The following KLHL13 variants were observed in gnomAD, a reference collection of about 807,000 sequenced individuals.
The protein encoded by KLHL13 is kelch like family member 13.
KLHL13 carries 10 observed loss-of-function variants against 37.1 expected under a neutral mutation model. The observed-to-expected ratio is 0.27, with a 90% CI of 0.17 to 0.46. The LOEUF (loss-of-function observed/expected upper bound fraction) is 0.46, where lower values mean the gene tolerates loss of function less well. Ranked by LOEUF, KLHL13 falls within the 20% of genes least tolerant of loss-of-function variation. KLHL13 has a pLI of 1.00. For missense variants in KLHL13, 360 were observed against 509.3 expected, an observed-to-expected ratio of 0.71 and a Z score of 2.82; for synonymous variants, 163 against 181.2, an observed-to-expected ratio of 0.90 and a Z score of 0.81.
intron 1 of KLHL13, among the ~76,000 whole-genome samples, chrX:118,102,540 C>G (rs1257309790): frequency 1.8e-5 from 2 of 112,038 alleles, no homozygotes; most frequent in African/African-American, 6.5e-5. Context: ...CTGTGAGTAC[C>G]TCATAGAATG....
Position 118,003,528 on chromosome X carries a change from A to T in KLHL13, c.-55-57953T>A, listed in dbSNP as rs34520131. ...ACCATAATTACGTGAAAATCATCTT[A>T]TTTCCAGTTGCCTCATTTTTAACAC... is the stretch of plus-strand genomic sequence containing the variant. On this transcript the variant is annotated intron_variant, in intron 1 of 6. Transcript: ENST00000371882. Among the ~76,000 whole-genome samples, 779 of 100,478 alleles carry T rather than the reference A, an allele frequency of 7.8e-3. 11 individuals carry two copies. Among genetic ancestry groups the T allele is most frequent in the African/African-American group, 0.036 (735 of 20,403 alleles). The allele number at this position is 100,478 out of a possible 115,157, so 87.3% of individuals were successfully genotyped here.
chrX:118,085,961 G>A (rs1356806487), intron 1 of KLHL13, among the ~76,000 whole-genome samples: 9 of 108,554 alleles, frequency 8.3e-5, no homozygotes, highest in Admixed American at 6.0e-4. Flanking sequence ...TTTTTGAGAC[G>A]GAGTTTTGCT....
chrX:117,902,574 G>A (rs1028457610), intron 5 of KLHL13, among the ~76,000 whole-genome samples: 1 of 111,517 alleles, frequency 9.0e-6, no homozygotes, highest in Admixed American at 9.6e-5. Context: ...ATAATATGAA[G>A]ATCTTTATTA....
upstream of KLHL13, among the ~76,000 whole-genome samples, chrX:117,975,164 A>G (rs570224049): frequency 2.9e-5 from 3 of 105,129 alleles, no homozygotes; most frequent in East Asian, 5.6e-4. Flanking sequence ...AAATCCAAAG[A>G]AGGAGAAATA....
At chrX:117,973,883 A>C, upstream of KLHL13, 23 of 203,732 alleles carry the variant, frequency 1.1e-4, no homozygotes, top group South Asian at 2.5e-4. Flanking sequence ...GGAAAGACCA[A>C]CACTGCTGGC....
chrX:117,954,183 T>G (rs751465629), intron 1 of KLHL13, among the ~76,000 whole-genome samples: 22 of 112,316 alleles, frequency 2.0e-4, no homozygotes, highest in Admixed American at 1.9e-3. Context: ...TTAAAGAACT[T>G]CAAAATAATA....
Position 117,949,451 on chromosome X carries a change from T to C in KLHL13, c.99-3876A>G, listed in dbSNP as rs142032938. Among the ~76,000 whole-genome samples the C allele has an allele frequency of 7.1e-3, 797 of 111,738 alleles. 10 individuals are homozygous for C. The highest frequency in any genetic ancestry group is 0.024 in the African/African-American group (751 of 30,766). Reference sequence around the variant, plus strand: ...GTGTTTTCTTCAGTGAATCCCTCTGTAGAGGTTTAATTTGGTAGACGTTCT... The same window carrying C: ...GTGTTTTCTTCAGTGAATCCCTCTGCAGAGGTTTAATTTGGTAGACGTTCT... On this transcript the variant is annotated intron_variant, in intron 1 of 6. Transcript: ENST00000262820.
Position 118,041,123 on chromosome X carries a change from AG to A in KLHL13, c.-56+75384del, listed in dbSNP as rs780943285. ...TATTGAGCAAGACAAAATCTTCAGA[AG>A]GTACAAAACCTACTGGTAATGATAA... On this transcript the variant is annotated intron_variant, in intron 1 of 6. Transcript: ENST00000371882. 9.8e-5 allele frequency among the ~76,000 whole-genome samples: 11 copies of A among 112,745 alleles called. No homozygotes were observed. The East Asian group carries it at 3.1e-3, about 31-fold the overall frequency.
At chrX:117,907,996 T>C (rs1930664799) in intron 5 of KLHL13, among the ~76,000 whole-genome samples, 1 of 110,856 alleles carries the variant, frequency 9.0e-6, no homozygotes, top group African/African-American at 3.3e-5. Flanking sequence ...TCTGAACTTA[T>C]CCAGAGCCAA....
rs181609353 is a variant in KLHL13, at chrX:118,014,147, T to G, written c.-55-68572A>C. 1.5e-3 allele frequency among the ~76,000 whole-genome samples: 163 copies of G among 112,068 alleles called. 2 individuals are homozygous for G. Among genetic ancestry groups the G allele is most frequent in the African/African-American group, 5.1e-3 (159 of 30,887 alleles). ...CATGAGGCCTGACTGCCTACAGGGTTGGGCAGAACAGAGCCATATTTTTCT... is the reference window on the plus strand; with the variant it reads ...CATGAGGCCTGACTGCCTACAGGGTGGGGCAGAACAGAGCCATATTTTTCT... On this transcript the variant is annotated intron_variant, in intron 1 of 6. Coordinates refer to the KLHL13 transcript ENST00000371882.
At chrX:118,110,635 C>T (rs1275675662) in intron 1 of KLHL13, among the ~76,000 whole-genome samples, 1 of 111,062 alleles carries the variant, frequency 9.0e-6, no homozygotes, top group African/African-American at 3.3e-5. Flanking sequence ...CCTCGGCCTC[C>T]TTAAGTGCTG....
At chrX:117,945,735 T>G (rs923787102) in intron 1 of KLHL13, 160 bp from the exon 3 acceptor site, 1 of 409,112 alleles carries the variant, frequency 2.4e-6, no homozygotes. Context: ...CTCTTTATCT[T>G]AGAAGAAATG....
At chrX:118,071,873 A>G (rs2054870346) in intron 1 of KLHL13, among the ~76,000 whole-genome samples, 1 of 105,856 alleles carries the variant, frequency 9.4e-6, no homozygotes, top group South Asian at 4.5e-4. Flanking sequence ...ATGGGTAGGA[A>G]GAATCAATAT....
At chrX:118,016,224 G>A (rs1046007687) in intron 1 of KLHL13, among the ~76,000 whole-genome samples, 1 of 111,670 alleles carries the variant, frequency 9.0e-6, no homozygotes, top group Non-Finnish European at 1.9e-5. Context: ...TTGACAAATA[G>A]TAAAGGCTAA....
intron 1 of KLHL13, among the ~76,000 whole-genome samples, chrX:118,023,931 G>T (rs1260321150): frequency 8.9e-6 from 1 of 111,907 alleles, no homozygotes; most frequent in Non-Finnish European, 1.9e-5. Context: ...GCAACGTTTT[G>T]CTCAGGTTTT....
intron 4 of KLHL13, among the ~76,000 whole-genome samples, chrX:117,917,362 G>GAGA: frequency 9.0e-6 from 1 of 110,606 alleles, no homozygotes; most frequent in Non-Finnish European, 1.9e-5. Flanking sequence ...CTTTGCTACA[G>GAGA]AGAAGCCTCT....
chrX:118,031,661 A>G (rs1213510687), intron 1 of KLHL13, among the ~76,000 whole-genome samples: 1 of 101,213 alleles, frequency 9.9e-6, no homozygotes, highest in Non-Finnish European at 2.0e-5. Context: ...ATTTAGTTAT[A>G]TATAATATAT....
chrX:118,115,331 C>T (rs72607610), intron 1 of KLHL13, among the ~76,000 whole-genome samples: 15,915 of 112,129 alleles, frequency 0.14, 1,075 homozygotes, highest in East Asian at 0.29. Flanking sequence ...TGAAAGTGAG[C>T]AAATGAACCT....
intron 1 of KLHL13, among the ~76,000 whole-genome samples, chrX:118,081,766 T>G (rs2054996787): frequency 1.8e-5 from 2 of 111,463 alleles, no homozygotes; most frequent in Admixed American, 1.9e-4. Flanking sequence ...CAACCTCTAG[T>G]AACCATCATT....
Sources: gnomAD v4.1 joint callset for allele counts (sites outside exome capture counted in the v4.1 genomes callset) on GRCh38, gnomAD v4.1.1 for gene constraint, MANE v1.5 for transcripts, NCBI Gene and HGNC (gene_info 2026-07-23, HGNC 2026-07-21) for gene names.